VPS13B: variants seen among roughly 807,000 people sequenced by gnomAD.
The protein encoded by VPS13B is vacuolar protein sorting 13 homolog B, also known as intermembrane lipid transfer protein VPS13B.
In VPS13B, 285 loss-of-function variants were observed where a neutral mutation model predicts 426.4. The observed-to-expected ratio is 0.67, with a 90% confidence interval of 0.61 to 0.74. The LOEUF (loss-of-function observed/expected upper bound fraction) is 0.74. VPS13B is among the 30% of genes least tolerant of loss of function. The pLI is 0.00. For synonymous variants in VPS13B, 1,676 were observed against 1,676.4 expected (o/e 1.00, Z 0.01); for missense variants, 4,537 against 4,782.6 (o/e 0.95, Z 1.51).
intron 53 of VPS13B, 98 bp from the exon 54 acceptor site, chr8:99,835,441 A>G: frequency 1.3e-6 from 2 of 1,504,678 alleles, no homozygotes; most frequent in South Asian, 1.2e-5. Context: ...AGCATTAATG[A>G]TCTCTTTTTG....
At chr8:99,358,172 A>G (rs1812293390) in intron 19 of VPS13B, among the ~76,000 whole-genome samples, 2 of 152,294 alleles carry the variant, frequency 1.3e-5, no homozygotes, top group African/African-American at 4.8e-5. Flanking sequence ...ATCTTGAGGA[A>G]GTTTTGACTG....
intron 16 of VPS13B, among the ~76,000 whole-genome samples, chr8:99,174,892 C>T (rs1395974056): frequency 1.3e-5 from 2 of 152,046 alleles, no homozygotes; most frequent in South Asian, 2.1e-4. Context: ...CTGTACTGAG[C>T]CTTGAAAGGA....
At chr8:99,085,814 T>G (rs977963423) in intron 3 of VPS13B, among the ~76,000 whole-genome samples, 5 of 152,356 alleles carry the variant, frequency 3.3e-5, no homozygotes, top group African/African-American at 1.2e-4. Flanking sequence ...TGCCGAGAGA[T>G]CAGCTGTTAG....
At chr8:99,858,022 C>T (rs1259515476) in intron 56 of VPS13B, among the ~76,000 whole-genome samples, 1 of 152,160 alleles carries the variant, frequency 6.6e-6, no homozygotes, top group African/African-American at 2.4e-5. Flanking sequence ...GGCTGTTGTA[C>T]CCTCACCTTC....
chr8:99,046,086 A>T (rs1843229454), intron 3 of VPS13B, among the ~76,000 whole-genome samples: 1 of 152,004 alleles, frequency 6.6e-6, no homozygotes, highest in African/African-American at 2.4e-5. Context: ...GTGAAGGATG[A>T]TGGTGGCATT....
chr8:99,451,040 T>G (rs760323892), intron 23 of VPS13B, among the ~76,000 whole-genome samples: 13 of 152,214 alleles, frequency 8.5e-5, no homozygotes, highest in Non-Finnish European at 1.0e-4. Context: ...GGATTATCAT[T>G]GTGAATGCAA....
At position 99,832,576 on chromosome 8, in the gene VPS13B, A is replaced by G. The variant is rs1022234916; in HGVS notation, c.9538A>G (p.Ile3180Val). 1 of 1,613,910 alleles carries G rather than the reference A, an allele frequency of 6.2e-7. No homozygotes were observed. Among genetic ancestry groups the G allele is most frequent in the South Asian group, 1.1e-5 (1 of 91,068 alleles). Reference protein sequence around the residue: ...DSSQCWSLPAIVRPEFPRQSV... With the variant: ...DSSQCWSLPAVVRPEFPRQSV... ...CTCACAGTGCTGGAGCCTGCCAGCTATAGTTAGACCAGAGTTTCCCAGACA... is the reference window on the plus strand; with the variant it reads ...CTCACAGTGCTGGAGCCTGCCAGCTGTAGTTAGACCAGAGTTTCCCAGACA... The change falls in exon 52 of 62, where the codon ATA becomes GTA. Residue 3180 changes from isoleucine to valine, a missense_variant. Physicochemically the swap from Ile to Val is conservative, Grantham distance 29. Around this residue, in one of 2 missense-constraint regions of VPS13B, gnomAD observed 4,311 missense variants for 4,474.3 expected, o/e 0.96. Transcript: ENST00000357162.
At chr8:99,213,920 G>T (rs1256709348) in intron 17 of VPS13B, among the ~76,000 whole-genome samples, 2 of 150,828 alleles carry the variant, frequency 1.3e-5, no homozygotes, top group Non-Finnish European at 2.9e-5. Flanking sequence ...CATAAGTTCT[G>T]CAGGCTTTTC....
chr8:99,558,947 A>G (rs1588493877), intron 31 of VPS13B, among the ~76,000 whole-genome samples: 1 of 152,210 alleles, frequency 6.6e-6, no homozygotes, highest in South Asian at 2.1e-4. Flanking sequence ...GCTGGATCAA[A>G]TGGTATTTCT....
At chr8:99,266,819 C>T (rs1435813455) in intron 17 of VPS13B, among the ~76,000 whole-genome samples, 1 of 152,090 alleles carries the variant, frequency 6.6e-6, no homozygotes, top group African/African-American at 2.4e-5. Flanking sequence ...AGTTTGTTTC[C>T]CCTTCTGTGA....
chr8:99,475,907 C>A (rs1360470095), intron 24 of VPS13B, among the ~76,000 whole-genome samples: 1 of 152,176 alleles, frequency 6.6e-6, no homozygotes, highest in Non-Finnish European at 1.5e-5. Context: ...TGTAGTAACT[C>A]TTATCTCTTT....
At chr8:99,449,965 C>T (rs952719220) in intron 23 of VPS13B, among the ~76,000 whole-genome samples, 37 of 152,008 alleles carry the variant, frequency 2.4e-4, no homozygotes, top group African/African-American at 8.5e-4. Context: ...CCACCATGCC[C>T]AGCTAATTTT....
chr8:99,217,834 C>A (rs1048242416), intron 17 of VPS13B, among the ~76,000 whole-genome samples: 1 of 152,188 alleles, frequency 6.6e-6, no homozygotes, highest in Non-Finnish European at 1.5e-5. Context: ...AGTTTGTTTA[C>A]TTATTATCTA....
intron 56 of VPS13B, among the ~76,000 whole-genome samples, chr8:99,855,329 C>G (rs1032847497): frequency 1.3e-5 from 2 of 152,160 alleles, no homozygotes; most frequent in African/African-American, 2.4e-5. Flanking sequence ...CTACAGTGAG[C>G]TATGATCACA....
chr8:99,710,319 A>G (rs1832659536), intron 36 of VPS13B, among the ~76,000 whole-genome samples: 1 of 152,130 alleles, frequency 6.6e-6, no homozygotes, highest in South Asian at 2.1e-4. Flanking sequence ...ATTTTGTCCA[A>G]TGGTGCATTT....
intron 4 of VPS13B, among the ~76,000 whole-genome samples, chr8:99,099,859 T>C (rs1347472194): frequency 6.6e-6 from 1 of 152,106 alleles, no homozygotes; most frequent in Admixed American, 6.6e-5. Flanking sequence ...TGGGGAGAGG[T>C]AGATAATAAG....
chr8:99,216,964 G>C (rs1815424921), intron 17 of VPS13B, among the ~76,000 whole-genome samples: 1 of 151,854 alleles, frequency 6.6e-6, no homozygotes, highest in African/African-American at 2.4e-5. Flanking sequence ...TAAACTTTAG[G>C]CTATTATCAA....
intron 5 of VPS13B, among the ~76,000 whole-genome samples, chr8:99,110,038 A>T (rs999967202): frequency 6.6e-6 from 1 of 152,132 alleles, no homozygotes; most frequent in Non-Finnish European, 1.5e-5. Context: ...CATTATTCAT[A>T]TAATATGTAA....
chr8:99,501,880 T>TTCCCTCCCTCCTTCTG (rs1821249222), intron 26 of VPS13B, 22 bp downstream of exon 26: 1 of 1,605,066 alleles, frequency 6.2e-7, no homozygotes, highest in African/African-American at 1.4e-5. Flanking sequence ...CTTTTCTTTC[T>TTCCCTCCCTCCTTCTG]TCCCTCCCTC....
Sources: gnomAD v4.1 joint callset for allele counts (sites outside exome capture counted in the v4.1 genomes callset) on GRCh38, gnomAD v4.1.1 for gene constraint, gnomAD v4.1.1 regional missense constraint, MANE v1.5 for transcripts, NCBI Gene and HGNC (gene_info 2026-07-23, HGNC 2026-07-21) for gene names.